MYO5A: variants seen among roughly 807,000 people sequenced by gnomAD.
MYO5A encodes unconventional myosin-Va.
A neutral mutation model predicts 249.7 loss-of-function variants in MYO5A; 98 were observed. The ratio of observed to expected loss-of-function variants is 0.39; its 90% confidence interval spans 0.33 to 0.46. The LOEUF is 0.46. MYO5A is among the 20% of genes least tolerant of loss of function. MYO5A has a pLI of 0.98. For synonymous variants in MYO5A, 778 were observed against 810.6 expected (o/e 0.96, Z 0.68); for missense variants, 1,696 against 2,308.8 (o/e 0.73, Z 5.44).
At chr15:52,348,291 T>C (rs1049550625) in intron 29 of MYO5A, among the ~76,000 whole-genome samples, 2 of 88,194 alleles carry the variant, frequency 2.3e-5, no homozygotes, top group Non-Finnish European at 4.6e-5. Context: ...TATCTGTCAC[T>C]CAGTACATAG....
chr15:52,441,139 T>A (rs1037107520), intron 1 of MYO5A, among the ~76,000 whole-genome samples: 4 of 152,190 alleles, frequency 2.6e-5, no homozygotes, highest in Admixed American at 2.6e-4. Flanking sequence ...CTTTAGAGCA[T>A]GTTTTTGGTA....
chr15:52,474,739 C>A (rs2141466336), intron 1 of MYO5A, among the ~76,000 whole-genome samples: 1 of 152,126 alleles, frequency 6.6e-6, no homozygotes, highest in East Asian at 1.9e-4. Flanking sequence ...GGGATGAGGT[C>A]CGCTTGATCA....
intron 14 of MYO5A, among the ~76,000 whole-genome samples, chr15:52,386,990 C>T (rs1418392048): frequency 3.3e-5 from 5 of 152,172 alleles, no homozygotes. Flanking sequence ...TAAAAAGATT[C>T]TCTGAGAATA....
intron 5 of MYO5A, among the ~76,000 whole-genome samples, chr15:52,413,135 G>A (rs761410327): frequency 3.1e-4 from 37 of 119,368 alleles, no homozygotes; most frequent in Admixed American, 1.0e-4. Flanking sequence ...CAACAAGAGC[G>A]AAACTCTGTC....
At chr15:52,408,487 T>A (rs758993990) in intron 6 of MYO5A, among the ~76,000 whole-genome samples, 1 of 152,130 alleles carries the variant, frequency 6.6e-6, no homozygotes, top group Non-Finnish European at 1.5e-5. Context: ...TTTCTAATGG[T>A]ACCTCTTAGA....
intron 1 of MYO5A, among the ~76,000 whole-genome samples, chr15:52,515,209 C>G (rs560079651): frequency 1.3e-5 from 2 of 150,610 alleles, no homozygotes; most frequent in Non-Finnish European, 2.9e-5. Context: ...CTCACAAGGT[C>G]GAGACTGCAG....
intron 25 of MYO5A, among the ~76,000 whole-genome samples, chr15:52,354,395 C>T (rs1340933435): frequency 6.6e-6 from 1 of 152,128 alleles, no homozygotes; most frequent in Non-Finnish European, 1.5e-5. Context: ...ATTAATCCTA[C>T]AGAAATACTT....
rs2140957249 is a variant in MYO5A, at chr15:52,330,240, C to G, written c.4555+113G>C. On this transcript the variant is annotated intron_variant, in intron 35 of 41. Coordinates refer to ENST00000399233, the MANE Select transcript of MYO5A (RefSeq NM_001382347.1). Reference sequence around the variant, plus strand: ...ACTGCAGCACTAGAATACATGGTATCTGATGATGACTAATGAAACCTACGC... The same window carrying G: ...ACTGCAGCACTAGAATACATGGTATGTGATGATGACTAATGAAACCTACGC... The G allele has an allele frequency of 2.2e-6, 3 of 1,371,990 alleles. No individual in the cohort carries two copies. In the South Asian group the frequency reaches 3.5e-5, roughly 16 times the overall value. 85.0% of individuals were successfully genotyped at this position (1,371,990 alleles called of 1,614,324 possible).
chr15:52,348,748 G>T, intron 29 of MYO5A, 70 bp downstream of exon 29: 15 of 1,276,640 alleles, frequency 1.2e-5, no homozygotes, highest in Non-Finnish European at 1.6e-5. Flanking sequence ...GCCTTTATTG[G>T]GGGATACTTG....
At chr15:52,491,739 T>C (rs377452857) in intron 1 of MYO5A, among the ~76,000 whole-genome samples, 90 of 152,326 alleles carry the variant, frequency 5.9e-4, no homozygotes, top group East Asian at 5.6e-3. Flanking sequence ...CCTCAGGATA[T>C]ATGAAGGCAT....
At chr15:52,398,477 G>C (rs1043929868) in intron 9 of MYO5A, among the ~76,000 whole-genome samples, 1 of 152,170 alleles carries the variant, frequency 6.6e-6, no homozygotes, top group African/African-American at 2.4e-5. Flanking sequence ...CAAATAGCTT[G>C]TCAAAAATCA....
intron 1 of MYO5A, among the ~76,000 whole-genome samples, chr15:52,489,316 G>C (rs2076886782): frequency 6.6e-6 from 1 of 152,214 alleles, no homozygotes. Flanking sequence ...TGTAATCCCA[G>C]CACTTTGGGA....
rs368542060 is a variant in MYO5A, at chr15:52,351,500, A to G, written c.3622-19T>C. 4.1e-5 allele frequency: 66 copies of G among 1,605,828 alleles called. No homozygotes were observed. The African/African-American group carries it at 8.2e-4, about 20-fold the overall frequency. ...CTTGACGCTGTATGAAAAGACAAAGAAAAGTTCATTGCTGTCATCCTCAAC... is the reference window on the plus strand; with the variant it reads ...CTTGACGCTGTATGAAAAGACAAAGGAAAGTTCATTGCTGTCATCCTCAAC... On this transcript the variant is annotated intron_variant, in intron 27 of 41. Coordinates refer to ENST00000399233, the MANE Select transcript of MYO5A (RefSeq NM_001382347.1).
chr15:52,457,298 C>G (rs1354155669), intron 1 of MYO5A, among the ~76,000 whole-genome samples: 2 of 151,492 alleles, frequency 1.3e-5, no homozygotes, highest in Admixed American at 1.3e-4. Context: ...AAAAATTAGC[C>G]AGGTGTGGTG....
intron 1 of MYO5A, among the ~76,000 whole-genome samples, chr15:52,526,740 A>G (rs1431954198): frequency 6.6e-6 from 1 of 152,146 alleles, no homozygotes; most frequent in Non-Finnish European, 1.5e-5. Context: ...GATTGTGATA[A>G]AGCTGTGACA....
chr15:52,328,332 C>A (rs947294595), intron 35 of MYO5A, among the ~76,000 whole-genome samples: 7 of 152,186 alleles, frequency 4.6e-5, no homozygotes, highest in African/African-American at 1.4e-4. Flanking sequence ...TCTAAGGAAC[C>A]TACTTTTTTG....
intron 1 of MYO5A, among the ~76,000 whole-genome samples, chr15:52,498,692 G>A (rs912903407): frequency 1.6e-4 from 24 of 152,242 alleles, no homozygotes; most frequent in East Asian, 5.8e-4. Context: ...ATTGAGCCCT[G>A]AACCAAAGAA....
At chr15:52,503,089 T>G (rs759682984) in intron 1 of MYO5A, among the ~76,000 whole-genome samples, 2 of 152,136 alleles carry the variant, frequency 1.3e-5, no homozygotes, top group South Asian at 4.1e-4. Context: ...ATATACAGTT[T>G]GATAGAAGAA....
intron 24 of MYO5A, among the ~76,000 whole-genome samples, chr15:52,364,136 G>C (rs1181306784): frequency 1.3e-5 from 2 of 151,944 alleles, no homozygotes; most frequent in Non-Finnish European, 2.9e-5. Context: ...TACTCGGGAG[G>C]CTGAGGCAGG....
Sources: allele counts gnomAD v4.1 joint callset (sites outside exome capture counted in the v4.1 genomes callset), GRCh38; gene constraint gnomAD v4.1.1; transcripts MANE v1.5; gene names NCBI Gene and HGNC (gene_info 2026-07-23, HGNC 2026-07-21).